CLEC12A: variants seen among roughly 807,000 people sequenced by gnomAD.
CLEC12A encodes the protein C-type lectin domain family 12 member A, also known as C-type lectin protein CLL-1.
CLEC12A carries 22 observed loss-of-function variants against 26.5 expected under a neutral mutation model. That is an observed-to-expected ratio of 0.83 (90% CI 0.59 to 1.19). CLEC12A has a LOEUF of 1.19. CLEC12A is among the 50% of genes most tolerant of loss of function. The pLI, the probability that CLEC12A is intolerant of heterozygous loss-of-function variation, is 0.00. For synonymous variants in CLEC12A, 119 were observed against 101.9 expected (o/e 1.17, Z -1.01); for missense variants, 353 against 315.6 (o/e 1.12, Z -0.90).
chr12:9,955,939 T>C (rs1863735813), intron 1 of CLEC12A, among the ~76,000 whole-genome samples: 1 of 152,080 alleles, frequency 6.6e-6, no homozygotes, highest in African/African-American at 2.4e-5. Context: ...AATAAATATT[T>C]CAGCATCAGA....
chr12:9,966,549 A>G (rs571018793), upstream of CLEC12A, among the ~76,000 whole-genome samples: 24 of 152,240 alleles, frequency 1.6e-4, no homozygotes, highest in African/African-American at 5.5e-4. Flanking sequence ...TGGGGGAGGC[A>G]GGCCTGGAGG....
chr12:9,971,934 T>C (rs1797526), intron 1 of CLEC12A, among the ~76,000 whole-genome samples: 34,604 of 152,008 alleles, frequency 0.23, 4,635 homozygotes, highest in South Asian at 0.46. Context: ...TCACACTCAA[T>C]ATAATTGGGA....
chr12:10,004,307 T>C, the CLEC12A span, among the ~76,000 whole-genome samples: 1 of 152,174 alleles, frequency 6.6e-6, no homozygotes, highest in Admixed American at 6.5e-5. Flanking sequence ...TATTCCAAGC[T>C]CTTGTCCAGC....
downstream of CLEC12A, chr12:9,998,224 C>A: frequency 7.7e-7 from 1 of 1,299,672 alleles, no homozygotes; most frequent in South Asian, 1.2e-5. Flanking sequence ...GTGGGATATG[C>A]CATGACCCTT....
At chr12:9,986,795 A>G (rs1004326076), downstream of CLEC12A, among the ~76,000 whole-genome samples, 1 of 152,208 alleles carries the variant, frequency 6.6e-6, no homozygotes, top group Admixed American at 6.5e-5. Context: ...TGGGTGACAG[A>G]GCAAGATTCC....
chr12:9,961,929 GTATGTTTGTGC>G (rs1843499833), intron 1 of CLEC12A, among the ~76,000 whole-genome samples: 1 of 152,152 alleles, frequency 6.6e-6, no homozygotes, highest in South Asian at 2.1e-4. Flanking sequence ...GAAGCTCTAG[GTATGTTTGTGC>G]TAATAGGAAG....
intron 1 of CLEC12A, among the ~76,000 whole-genome samples, chr12:9,973,412 C>T (rs1004564406): frequency 1.1e-4 from 16 of 152,106 alleles, no homozygotes; most frequent in Admixed American, 7.2e-4. Context: ...TAAGATCAGG[C>T]GAGTGTACTC....
the CLEC12A span, among the ~76,000 whole-genome samples, chr12:10,001,811 A>C: frequency 6.6e-6 from 1 of 152,098 alleles, no homozygotes; most frequent in East Asian, 1.9e-4. Context: ...TCAATATTTT[A>C]ACCTTGCTTG....
chr12:10,003,603 A>G, the CLEC12A span, among the ~76,000 whole-genome samples: 8 of 152,322 alleles, frequency 5.3e-5, no homozygotes, highest in Admixed American at 6.5e-5. Flanking sequence ...GTTCGAATAC[A>G]TGTACCTCTT....
upstream of CLEC12A, among the ~76,000 whole-genome samples, chr12:9,967,161 T>C (rs1361283693): frequency 1.3e-5 from 2 of 151,212 alleles, no homozygotes; most frequent in African/African-American, 2.4e-5. Flanking sequence ...AGAGGTCACA[T>C]GGGTTTGTAG....
intron 1 of CLEC12A, chr12:9,952,129 C>CTCTCCCTCTCCG (rs1863623268): frequency 7.9e-6 from 1 of 126,876 alleles, no homozygotes; most frequent in East Asian, 2.4e-4. Flanking sequence ...CTCCCTCTCC[C>CTCTCCCTCTCCG]TCTCCCTCTC....
At chr12:9,954,818 C>T (rs985745945) in intron 1 of CLEC12A, among the ~76,000 whole-genome samples, 2 of 152,140 alleles carry the variant, frequency 1.3e-5, no homozygotes, top group African/African-American at 4.8e-5. Context: ...CTTTAATAAA[C>T]AAGAGAGCTT....
chr12:10,001,043 A>T, the CLEC12A span, among the ~76,000 whole-genome samples: 432 of 152,374 alleles, frequency 2.8e-3, no homozygotes, highest in African/African-American at 9.8e-3. Flanking sequence ...AAACAGGTAC[A>T]TATGAAAACT....
chr12:9,984,882 C>A lies in CLEC12A; in HGVS notation c.654C>A (p.Asn218Lys). The stretch of plus-strand genomic sequence containing the variant: ...CTTTCTCTTTCAGGGTTATAAGAAA[C>A]GCACCTGACTTAAATAACATGTATT... ...IINSSAWVIR[N>K]APDLNNMYCG... The change falls in exon 6 of 6, where the codon AAC (asparagine) becomes AAA (lysine). Residue 218 changes from asparagine to lysine, a missense_variant. Physicochemically the swap from Asn to Lys is moderately conservative, Grantham distance 94. Transcript: ENST00000304361. The A allele has an allele frequency of 6.6e-7, 1 of 1,508,550 alleles. No individual in the cohort carries two copies. The highest frequency in any genetic ancestry group is 8.9e-7 in the Non-Finnish European group (1 of 1,126,618). The allele number at this position is 1,508,550 out of a possible 1,614,324, so 93.4% of individuals were successfully genotyped here.
downstream of CLEC12A, among the ~76,000 whole-genome samples, chr12:10,000,426 A>G (rs1016978504): frequency 6.6e-6 from 1 of 152,224 alleles, no homozygotes; most frequent in Non-Finnish European, 1.5e-5. Context: ...TAACACGTAT[A>G]AAAGACATTC....
chr12:10,003,102 T>C, the CLEC12A span, among the ~76,000 whole-genome samples: 1,290 of 152,308 alleles, frequency 8.5e-3, 11 homozygotes, highest in Non-Finnish European at 0.016. Flanking sequence ...TGGTGATAGC[T>C]ATTCTGAGAC....
At chr12:9,996,711 A>T, downstream of CLEC12A, 1 of 853,710 alleles carries the variant, frequency 1.2e-6, no homozygotes. Flanking sequence ...AATTCTTACT[A>T]GGTTTCACAA....
At chr12:10,005,642 G>T in the CLEC12A span, among the ~76,000 whole-genome samples, 1 of 152,198 alleles carries the variant, frequency 6.6e-6, no homozygotes, top group East Asian at 1.9e-4. Flanking sequence ...GAATCAATTT[G>T]TCTGTCTTCA....
downstream of CLEC12A, among the ~76,000 whole-genome samples, chr12:9,986,769 C>A (rs888612005): frequency 6.6e-6 from 1 of 152,106 alleles, no homozygotes; most frequent in Non-Finnish European, 1.5e-5. Context: ...TGAGATTGCA[C>A]CACTGCACTC....
Sources: gnomAD v4.1 joint callset for allele counts (sites outside exome capture counted in the v4.1 genomes callset) on GRCh38, gnomAD v4.1.1 for gene constraint, MANE v1.5 for transcripts, NCBI Gene and HGNC (gene_info 2026-07-23, HGNC 2026-07-21) for gene names.